The following EPHX3 variants were observed in gnomAD, a reference collection of about 807,000 sequenced individuals.
EPHX3 encodes epoxide hydrolase 3.
EPHX3 carries 39 observed loss-of-function variants against 40.2 expected under a neutral mutation model. The ratio of observed to expected loss-of-function variants is 0.97; its 90% CI spans 0.75 to 1.27. The LOEUF (loss-of-function observed/expected upper bound fraction) is 1.27, where lower values mean the gene tolerates loss of function less well. Ranked by LOEUF, EPHX3 falls within the 50% of genes most tolerant of loss-of-function variation. The probability of loss-of-function intolerance (pLI) is 0.00; values close to 1 mark genes in which losing one functional copy is unlikely to be tolerated. For synonymous variants in EPHX3, 213 were observed against 209.7 expected (o/e 1.02, Z -0.14); for missense variants, 442 against 474.0 (o/e 0.93, Z 0.63).
chr19:15,228,173 C>T, intron 4 of EPHX3, 73 bp from the exon 5 acceptor site: 1 of 1,201,870 alleles, frequency 8.3e-7, no homozygotes, highest in South Asian at 1.5e-5. Context: ...CACCCCTACA[C>T]ATACCCAGGT....
At chr19:15,229,675 A>G (rs1264900392) in intron 4 of EPHX3, among the ~76,000 whole-genome samples, 1 of 151,340 alleles carries the variant, frequency 6.6e-6, no homozygotes, top group Non-Finnish European at 1.5e-5. Flanking sequence ...TGGGCAGATC[A>G]CAAGGTCAGG....
rs749921937 is a variant in EPHX3 at position 15,227,646 on chromosome 19, G to A, written c.874C>T (p.Pro292Ser). Residue 292 changes from proline to serine, a missense_variant, in exon 7 of 7, where the codon CCC (proline) becomes TCC (serine). Pro to Ser is a moderately conservative substitution (Grantham distance 74). Transcript: ENST00000221730. ...RNLFRNFPLE[P>S]QELTTPTLLL... The stretch of plus-strand genomic sequence containing the variant: ...AATGTGGGTGTGGTCAGCTCCTGGG[G>A]TTCCAGGGGGAAGTTCCTGTGGCCA... 2 of 1,614,058 alleles carry A rather than the reference G, an allele frequency of 1.2e-6. No homozygotes were observed. Among genetic ancestry groups the A allele is most frequent in the East Asian group, 2.2e-5 (1 of 44,878 alleles).
At position 15,227,844 on chromosome 19, in the gene EPHX3, C is replaced by T. The variant is rs374205173; in HGVS notation, c.784G>A (p.Glu262Lys). The T allele has an allele frequency of 1.8e-5, 29 of 1,613,914 alleles. No individual in the cohort carries two copies. Among genetic ancestry groups the T allele is most frequent in the Middle Eastern group, 1.6e-4 (1 of 6,084 alleles). The part of the protein sequence containing the change: ...GIPCLTPSEL[E>K]AFLYNFSQPG... Reference sequence around the variant, plus strand: ...TGTGAGAAGTTATAAAGGAAGGCCTCGAGCTCGCTGGGGGTCAAGCATGGG... The same window carrying T: ...TGTGAGAAGTTATAAAGGAAGGCCTTGAGCTCGCTGGGGGTCAAGCATGGG... Residue 262 changes from glutamate to lysine, a missense_variant, in exon 6 of 7, where the codon GAG becomes AAG. Physicochemically the swap from Glu to Lys is moderately conservative, Grantham distance 56. Transcript: ENST00000221730.
chr19:15,231,928 C>T, intron 1 of EPHX3, 41 bp downstream of exon 1: 2 of 1,612,694 alleles, frequency 1.2e-6, no homozygotes, highest in Non-Finnish European at 1.7e-6. Flanking sequence ...GTCTCGACCC[C>T]ACGCGACCCC....
rs578157507 is a variant in EPHX3 at position 15,229,750 on chromosome 19, C to T, written c.616+1212G>A. ...TCTACTAAAATACAAAAAATTAGCC[C>T]GGCATGGTGGCCTGTAATCCCAGCT... is the stretch of plus-strand genomic sequence containing the variant. On this transcript the variant is annotated intron_variant, in intron 4 of 6. Transcript: ENST00000221730. Among the ~76,000 whole-genome samples the T allele has an allele frequency of 6.6e-4, 98 of 149,176 alleles. 1 individual carries two copies. The South Asian group carries it at 7.7e-3, about 12-fold the overall frequency.
chr19:15,231,297 C>T lies in EPHX3; in HGVS notation c.429G>A (p.Val143=). 1.9e-6 allele frequency: 3 copies of T among 1,613,974 alleles called. No homozygotes were observed. Among genetic ancestry groups the T allele is most frequent in the Non-Finnish European group, 2.5e-6 (3 of 1,179,998 alleles). ...GYGPSDAPRD[V]DCYTIDLLLV... ...GCAGCAGGTCGATTGTGTAGCAGTC[C>T]ACATCCCGAGGTGCATCCGAGGGGC... The change falls in exon 3 of 7, where the codon GTG becomes GTA. Residue 143 remains valine (V), a synonymous_variant. Transcript: ENST00000221730.
upstream of EPHX3, chr19:15,235,567 A>T (rs1452157836): frequency 3.1e-5 from 3 of 97,066 alleles, no homozygotes; most frequent in Non-Finnish European, 4.7e-5. Flanking sequence ...AGAACTGCAC[A>T]AAAAAAAAAA....
At position 15,227,888 on chromosome 19, in the gene EPHX3, G is replaced by A. The variant is rs1331802942; in HGVS notation, c.740C>T (p.Thr247Ile). Reference protein sequence around the residue: ...SDFQILKTTLTHRKTGIPCLT... With the variant: ...SDFQILKTTLIHRKTGIPCLT... Reference sequence around the variant, plus strand: ...GCATGGGATGCCTGTCTTGCGGTGGGTGAGGGTGGTCTTCAGAATCTAGGT... The same window carrying A: ...GCATGGGATGCCTGTCTTGCGGTGGATGAGGGTGGTCTTCAGAATCTAGGT... The change falls in exon 6 of 7, where the codon ACC becomes ATC. Residue 247 changes from threonine (T) to isoleucine (I), a missense_variant. By Grantham distance (89) the Thr-to-Ile change is moderately conservative. Coordinates refer to ENST00000221730, the MANE Select transcript of EPHX3 (RefSeq NM_024794.3). The A allele has an allele frequency of 1.9e-6, 3 of 1,613,936 alleles. No individual in the cohort carries two copies. The Admixed American group carries it at 5.0e-5, about 27-fold the overall frequency.
chr19:15,229,673 T>C (rs2047138657), intron 4 of EPHX3, among the ~76,000 whole-genome samples: 1 of 148,742 alleles, frequency 6.7e-6, no homozygotes, highest in East Asian at 2.0e-4. Flanking sequence ...GGTGGGCAGA[T>C]CACAAGGTCA....
chr19:15,234,083 G>T (rs2047174394), upstream of EPHX3, among the ~76,000 whole-genome samples: 1 of 149,526 alleles, frequency 6.7e-6, no homozygotes, highest in African/African-American at 2.5e-5. Context: ...AAAGCAGCCA[G>T]CTTCTTCCTC....
rs772777365 is a variant in EPHX3 at position 15,231,813 on chromosome 19, G to C, written c.292C>G (p.Pro98Ala). The change falls in exon 2 of 7, where the codon CCC becomes GCC. Residue 98 changes from proline to alanine, a missense_variant. Coordinates refer to ENST00000221730, the MANE Select transcript of EPHX3 (RefSeq NM_024794.3). Reference sequence around the variant, plus strand: ...AAGCCGTGCAGAAACAGCATGAGGGGTCCGTTACCTCGTCCAGCCGAGACA... The same window carrying C: ...AAGCCGTGCAGAAACAGCATGAGGGCTCCGTTACCTCGTCCAGCCGAGACA... Reference protein sequence around the residue: ...HYVSAGRGNGPLMLFLHGFPE... With the variant: ...HYVSAGRGNGALMLFLHGFPE... 6.2e-7 allele frequency: 1 copy of C among 1,613,924 alleles called. No homozygotes were observed. The highest frequency in any genetic ancestry group is 1.1e-5 in the South Asian group (1 of 91,072).
chr19:15,231,054 C>A lies in EPHX3; in HGVS notation c.524G>T (p.Gly175Val), dbSNP rs768024846. Reference sequence around the variant, plus strand: ...GGAGAAATGCCAGGCAAGGAGGGCACCCCAGTCATGGGCCACAAGGATGCA... The same window carrying A: ...GGAGAAATGCCAGGCAAGGAGGGCAACCCAGTCATGGGCCACAAGGATGCA... ...SKCILVAHDW[G>V]ALLAWHFSIY... The change falls in exon 4 of 7, where the codon GGT becomes GTT. Residue 175 changes from glycine (G) to valine (V), a missense_variant. Coordinates refer to ENST00000221730, the MANE Select transcript of EPHX3 (RefSeq NM_024794.3). The A allele has an allele frequency of 1.2e-6, 2 of 1,614,064 alleles. No homozygotes were observed. Among genetic ancestry groups the A allele is most frequent in the South Asian group, 2.2e-5 (2 of 91,084 alleles).
chr19:15,227,904 G>A lies in EPHX3; in HGVS notation c.724C>T (p.Leu242=). The A allele has an allele frequency of 1.2e-6, 2 of 1,614,072 alleles. No homozygotes were observed. The highest frequency in any genetic ancestry group is 8.5e-7 in the Non-Finnish European group (1 of 1,180,012). ...KLLSMSDFQI[L]KTTLTHRKTG... ...TTGCGGTGGGTGAGGGTGGTCTTCA[G>A]AATCTAGGTACACAGCAGGACTCTG... Residue 242 remains leucine (L), a synonymous_variant, in exon 6 of 7, where the codon CTG becomes TTG. Coordinates refer to ENST00000221730, the MANE Select transcript of EPHX3 (RefSeq NM_024794.3).
chr19:15,232,192 G>A lies in EPHX3; in HGVS notation c.20C>T (p.Thr7Ile). The A allele has an allele frequency of 6.6e-7, 1 of 1,520,432 alleles. No homozygotes were observed. Among genetic ancestry groups the A allele is most frequent in the Non-Finnish European group, 8.8e-7 (1 of 1,141,530 alleles). 94.2% of individuals were successfully genotyped at this position (1,520,432 alleles called of 1,614,324 possible). MPELVV[T>I]ALLAPSRLSL... Reference sequence around the variant, plus strand: ...CAGGCGCGACGGCGCCAGCAGCGCGGTCACCACCAGCTCCGGCATGTCGCC... The same window carrying A: ...CAGGCGCGACGGCGCCAGCAGCGCGATCACCACCAGCTCCGGCATGTCGCC... The change falls in exon 1 of 7, where the codon ACC becomes ATC. Residue 7 changes from threonine to isoleucine, a missense_variant. Thr to Ile is a moderately conservative substitution (Grantham distance 89). Transcript: ENST00000221730.
rs1203391705 is a variant in EPHX3 at position 15,227,050 on chromosome 19, G to A, written c.*387C>T. The A allele has an allele frequency of 7.9e-6, 2 of 253,166 alleles. No homozygotes were observed. The highest frequency in any genetic ancestry group is 1.5e-5 in the Non-Finnish European group (2 of 130,628). The allele number at this position is 253,166 out of a possible 1,614,324, so 15.7% of individuals were successfully genotyped here. ...TGAAGACCCAGGCAGGAGGTCGAAGGCAGGGACAGGAAGGTCAGGGTTTAA... is the reference window on the plus strand; with the variant it reads ...TGAAGACCCAGGCAGGAGGTCGAAGACAGGGACAGGAAGGTCAGGGTTTAA... On this transcript the variant is annotated 3_prime_UTR_variant, in exon 7 of 7. Coordinates refer to ENST00000221730, the MANE Select transcript of EPHX3 (RefSeq NM_024794.3).
intron 3 of EPHX3, 56 bp downstream of exon 3, chr19:15,231,183 G>A (rs1478901213): frequency 4.3e-6 from 7 of 1,612,356 alleles, no homozygotes; most frequent in South Asian, 1.1e-5. Flanking sequence ...GAAAGCGGGG[G>A]TATGCGTGTG....
chr19:15,231,109 C>T lies in EPHX3; in HGVS notation c.488-19G>A. ...GAGTAACCTGTGGGAATTCAAGGAG[C>T]TCGCATAAGTGAGGTGCCCAGTAGG... On this transcript the variant is annotated intron_variant, in intron 3 of 6. Coordinates refer to ENST00000221730, the MANE Select transcript of EPHX3 (RefSeq NM_024794.3). 6.2e-7 allele frequency: 1 copy of T among 1,613,748 alleles called. No individual in the cohort carries two copies. Among genetic ancestry groups the T allele is most frequent in the Non-Finnish European group, 8.5e-7 (1 of 1,179,854 alleles).
upstream of EPHX3, chr19:15,236,371 G>C (rs1372794610): frequency 6.6e-6 from 1 of 152,234 alleles, no homozygotes; most frequent in Non-Finnish European, 1.5e-5. Context: ...TGTGCATGGG[G>C]GGTGAGGATC....
intron 4 of EPHX3, 53 bp from the exon 5 acceptor site, chr19:15,228,153 C>A: frequency 7.3e-7 from 1 of 1,376,888 alleles, no homozygotes; most frequent in South Asian, 1.3e-5. Flanking sequence ...GGGGTGGCCC[C>A]ATACACCTGC....
Sources: allele counts gnomAD v4.1 joint callset (sites outside exome capture counted in the v4.1 genomes callset), GRCh38; gene constraint gnomAD v4.1.1; transcripts MANE v1.5; gene names NCBI Gene and HGNC (gene_info 2026-07-23, HGNC 2026-07-21).